METTL3: variants seen among roughly 807,000 people sequenced by gnomAD.
METTL3 encodes the protein N(6)-adenosine-methyltransferase catalytic subunit METTL3.
A neutral mutation model predicts 64.3 loss-of-function variants in METTL3; 42 were observed. The observed-to-expected ratio is 0.65, with a 90% CI of 0.51 to 0.84. The LOEUF is 0.84. METTL3 is among the 40% of genes least tolerant of loss of function. The pLI, the probability that METTL3 is intolerant of heterozygous loss-of-function variation, is 0.00. For missense variants in METTL3, 435 were observed against 722.3 expected, an observed-to-expected ratio of 0.60 and a Z score of 4.56; for synonymous variants, 256 against 263.6, an observed-to-expected ratio of 0.97 and a Z score of 0.28.
At chr14:21,501,370 T>A (rs918241518) in intron 4 of METTL3, 1 of 564,626 alleles carries the variant, frequency 1.8e-6, no homozygotes, top group African/African-American at 1.9e-5. Flanking sequence ...AGGCAAGCAG[T>A]GCAGGAGACT....
intron 9 of METTL3, 72 bp from the exon 10 acceptor site, chr14:21,499,209 G>GTAGATC: frequency 2.5e-6 from 4 of 1,576,902 alleles, no homozygotes; most frequent in Non-Finnish European, 3.5e-6. Flanking sequence ...TTATGTTTAT[G>GTAGATC]ATCTAAATGA....
chr14:21,506,981 A>G (rs749756155), intron 1 of METTL3, among the ~76,000 whole-genome samples: 25 of 152,170 alleles, frequency 1.6e-4, no homozygotes, highest in African/African-American at 6.0e-4. Context: ...GAGTTTCACC[A>G]TGTTGGCCAG....
At chr14:21,500,738 C>CGA in intron 5 of METTL3, 56 bp from the exon 6 acceptor site, 1 of 1,538,872 alleles carries the variant, frequency 6.5e-7, no homozygotes, top group South Asian at 1.2e-5. Flanking sequence ...ATTCATGGCC[C>CGA]GAGTCCCTCT....
chr14:21,500,365 A>G, intron 6 of METTL3, 130 bp downstream of exon 6: 1 of 845,322 alleles, frequency 1.2e-6, no homozygotes, highest in Non-Finnish European at 1.8e-6. Flanking sequence ...CTCTCTCAAA[A>G]AAAAAGAAAA....
At chr14:21,509,336 T>C (rs1891775212) in intron 1 of METTL3, 1 of 152,170 alleles carries the variant, frequency 6.6e-6, no homozygotes, top group South Asian at 2.1e-4. Flanking sequence ...GGAGACCCTG[T>C]CTCTAACTAA....
chr14:21,511,268 C>G lies in METTL3; in HGVS notation c.-45G>C, dbSNP rs761247987. ...CACCTCTCGAATAAGGCGCGGCGGACTAGCACCTCCCAGCACTCGCTCCAG... is the reference window on the plus strand; with the variant it reads ...CACCTCTCGAATAAGGCGCGGCGGAGTAGCACCTCCCAGCACTCGCTCCAG... On this transcript the variant is annotated 5_prime_UTR_variant, in exon 1 of 11. Coordinates refer to ENST00000298717, the MANE Select transcript of METTL3 (RefSeq NM_019852.5). 3.4e-5 allele frequency: 54 copies of G among 1,590,020 alleles called. No homozygotes were observed. The highest frequency in any genetic ancestry group is 5.3e-5 in the Admixed American group (3 of 56,078).
intron 10 of METTL3, chr14:21,498,635 G>C: frequency 1.9e-6 from 1 of 520,838 alleles, no homozygotes; most frequent in Non-Finnish European, 3.4e-6. Context: ...TGCTACCAGG[G>C]AGTATTCTTT....
intron 1 of METTL3, chr14:21,504,765 T>TAGA (rs1299528751): frequency 1.4e-5 from 2 of 145,760 alleles, no homozygotes; most frequent in Non-Finnish European, 3.0e-5. Context: ...ACCCCATCTC[T>TAGA]ACTAAAATAC....
rs1315400756 is a variant in METTL3 at position 21,499,773 on chromosome 14, T to C, written c.1334A>G (p.Asn445Ser). The change falls in exon 7 of 11, where the codon AAC becomes AGC. Residue 445 changes from asparagine (N) to serine (S), a missense_variant. Physicochemically the swap from Asn to Ser is conservative, Grantham distance 46 (BLOSUM62 1). Transcript: ENST00000298717. The stretch of plus-strand genomic sequence containing the variant: ...CACAACCACTACTTACCCCCAGAGG[T>C]TTAGACATTCTCTCCCCAACTCCAT... Reference protein sequence around the residue: ...RAMELGRECLNLWGYERVDEI... With the variant: ...RAMELGRECLSLWGYERVDEI... 1 of 1,612,908 alleles carries C rather than the reference T, an allele frequency of 6.2e-7. No individual in the cohort carries two copies. Among genetic ancestry groups the C allele is most frequent in the South Asian group, 1.1e-5 (1 of 91,032 alleles).
In METTL3 at chr14:21,507,184, A is replaced by AAAAT. The variant is rs530857504; in HGVS notation, c.101-3307_101-3304dup. On this transcript the variant is annotated intron_variant, in intron 1 of 10. Transcript: ENST00000298717. ...CAACAAGAGCGAAACTCTGTCTCAA[A>AAAAT]AAATAAATAAATAAATAAATAAATA... 7.9e-3 allele frequency among the ~76,000 whole-genome samples: 1,198 copies of AAAAT among 152,016 alleles called. 12 individuals carry two copies. Among genetic ancestry groups the AAAAT allele is most frequent in the African/African-American group, 0.021 (881 of 41,418 alleles).
At chr14:21,498,676 T>G (rs1891474141) in intron 10 of METTL3, 1 of 483,442 alleles carries the variant, frequency 2.1e-6, no homozygotes, top group Non-Finnish European at 3.7e-6. Context: ...GCATGTGTTT[T>G]AAGCTCTGTT....
chr14:21,505,512 A>G (rs1292785304), intron 1 of METTL3, among the ~76,000 whole-genome samples: 1 of 152,152 alleles, frequency 6.6e-6, no homozygotes, highest in African/African-American at 2.4e-5. Flanking sequence ...CATTCAGAAT[A>G]TTAGAGCTGA....
intron 4 of METTL3, chr14:21,501,519 TA>T (rs1370200812): frequency 4.0e-4 from 217 of 544,866 alleles, no homozygotes; most frequent in Middle Eastern, 2.0e-3. Context: ...AGGGAGCTTT[TA>T]AAAAAAAAAT....
In METTL3 at chr14:21,511,085, C is replaced by T. The variant is rs752805945; in HGVS notation, c.100+39G>A. ...TTTCTCTAGGGATCCCGCCCGTCCT[C>T]CCCGGTTGAGCCTCGGCCCCAACAG... On this transcript the variant is annotated intron_variant, in intron 1 of 10. Coordinates refer to ENST00000298717, the MANE Select transcript of METTL3 (RefSeq NM_019852.5). 23 of 1,606,642 alleles carry T rather than the reference C, an allele frequency of 1.4e-5. No homozygotes were observed. In the Admixed American group the frequency reaches 2.7e-4, roughly 19 times the overall value.
At chr14:21,508,033 T>G (rs553325209) in intron 1 of METTL3, 4 of 152,032 alleles carry the variant, frequency 2.6e-5, no homozygotes, top group Middle Eastern at 6.8e-3. Flanking sequence ...GGTGGGAGGA[T>G]AGCTTGAGCC....
rs144555583 is a variant in METTL3, at chr14:21,498,316, A to G, written c.1685T>C (p.Val562Ala). Residue 562 changes from valine to alanine, a missense_variant, in exon 11 of 11, where the codon GTT becomes GCT. Around this residue, in one of 9 missense-constraint regions of METTL3, gnomAD observed 20 missense variants for 26.2 expected, o/e 0.76. Transcript: ENST00000298717. ...TGGGTACCTTTGCTTGAACCGTGCAACCACATCTGGGTCTAGTAGGTGGAT... is the reference window on the plus strand; with the variant it reads ...TGGGTACCTTTGCTTGAACCGTGCAGCCACATCTGGGTCTAGTAGGTGGAT... ...DGIHLLDPDV[V>A]ARFKQRYPDG... 78 of 1,614,050 alleles carry G rather than the reference A, an allele frequency of 4.8e-5. No homozygotes were observed. In the African/African-American group the frequency reaches 8.1e-4, roughly 17 times the overall value.
chr14:21,503,043 T>A, intron 3 of METTL3, 130 bp downstream of exon 3: 1 of 992,200 alleles, frequency 1.0e-6, no homozygotes. Flanking sequence ...CCCCTGGGAG[T>A]TGGGCAGTAG....
chr14:21,506,328 C>T (rs1013136198), intron 1 of METTL3, among the ~76,000 whole-genome samples: 5 of 151,530 alleles, frequency 3.3e-5, no homozygotes, highest in Non-Finnish European at 7.4e-5. Flanking sequence ...CAGAGGCGGG[C>T]AGATCACGAG....
rs1466027886 is a variant in METTL3 at position 21,500,512 on chromosome 14, G to A, written c.1287C>T (p.Phe429=). Residue 429 remains phenylalanine, a synonymous_variant, in exon 6 of 11, where the codon TTC becomes TTT. Coordinates refer to ENST00000298717, the MANE Select transcript of METTL3 (RefSeq NM_019852.5). ...TGCATTACCTGCCTGTGACCCAGAGGAAGAGAAAGCCATCATCCTGTAGTA... is the reference window on the plus strand; with the variant it reads ...TGCATTACCTGCCTGTGACCCAGAGAAAGAGAAAGCCATCATCCTGTAGTA... The part of the protein sequence containing the change: ...IPVLQDDGFL[F]LWVTGRAMEL... 2 of 1,614,044 alleles carry A rather than the reference G, an allele frequency of 1.2e-6. No homozygotes were observed. Among genetic ancestry groups the A allele is most frequent in the Non-Finnish European group, 1.7e-6 (2 of 1,180,044 alleles).
Sources: allele counts gnomAD v4.1 joint callset (sites outside exome capture counted in the v4.1 genomes callset), GRCh38; gene constraint gnomAD v4.1.1; regional missense constraint gnomAD v4.1.1; transcripts MANE v1.5; gene names NCBI Gene and HGNC (gene_info 2026-07-23, HGNC 2026-07-21).